MLXIP: variants seen among roughly 807,000 people sequenced by gnomAD.
MLXIP encodes the protein MLX-interacting protein.
MLXIP carries 30 observed loss-of-function variants against 87.2 expected under a neutral mutation model. The ratio of observed to expected loss-of-function variants is 0.34; its 90% CI spans 0.26 to 0.47. The LOEUF (loss-of-function observed/expected upper bound fraction) is 0.47. MLXIP is among the 20% of genes least tolerant of loss of function. The pLI, the probability that MLXIP is intolerant of heterozygous loss-of-function variation, is 1.00. For synonymous variants in MLXIP, 530 were observed against 514.0 expected, an observed-to-expected ratio of 1.03 and a Z score of -0.42; for missense variants, 1,002 against 1,240.1, an observed-to-expected ratio of 0.81 and a Z score of 2.88.
At chr12:122,095,841 A>G (rs1446585961) in intron 1 of MLXIP, among the ~76,000 whole-genome samples, 1 of 151,376 alleles carries the variant, frequency 6.6e-6, no homozygotes, top group Non-Finnish European at 1.5e-5. Flanking sequence ...TGGTGAGTAT[A>G]TATATATTTT....
intron 1 of MLXIP, among the ~76,000 whole-genome samples, chr12:122,114,895 G>A (rs1000725842): frequency 5.3e-5 from 8 of 151,930 alleles, no homozygotes; most frequent in East Asian, 2.0e-4. Context: ...ACAGGTATGC[G>A]CCACTACTGC....
intron 1 of MLXIP, among the ~76,000 whole-genome samples, chr12:122,091,213 C>A (rs1404951389): frequency 1.3e-5 from 2 of 152,164 alleles, no homozygotes; most frequent in African/African-American, 4.8e-5. Context: ...ATCAGATGAT[C>A]TTGGAGATCT....
chr12:122,138,317 C>T, intron 13 of MLXIP, 22 bp downstream of exon 13: 1 of 1,613,240 alleles, frequency 6.2e-7, no homozygotes, highest in East Asian at 2.2e-5. Context: ...AGAGCGTGGG[C>T]TGTGGCAGGG....
At chr12:122,120,679 T>C (rs1952764172) in intron 1 of MLXIP, among the ~76,000 whole-genome samples, 1 of 152,186 alleles carries the variant, frequency 6.6e-6, no homozygotes, top group Non-Finnish European at 1.5e-5. Context: ...GCTGAGGATA[T>C]GGCTTGTAAG....
chr12:122,141,573 A>G (rs1953204667), intron 16 of MLXIP, 118 bp from the exon 17 acceptor site: 2 of 1,484,104 alleles, frequency 1.3e-6, no homozygotes, highest in Non-Finnish European at 1.8e-6. Flanking sequence ...GCAGTCCAGC[A>G]TGGCTGCTGC....
At position 122,135,187 on chromosome 12, in the gene MLXIP, C is replaced by T. The variant is rs746517539; in HGVS notation, c.1733-37C>T. On this transcript the variant is annotated intron_variant, in intron 9 of 16. Coordinates refer to ENST00000319080, the MANE Select transcript of MLXIP (RefSeq NM_014938.6). This position sits in a 1 kb window ranked among gnomAD's most constrained non-coding sequence, Gnocchi z 5.3. Reference sequence around the variant, plus strand: ...TGCAGGGTGGGCCAGGCCCTGTGGCCCAGGGCTGCACCTGAACATCCTCCT... The same window carrying T: ...TGCAGGGTGGGCCAGGCCCTGTGGCTCAGGGCTGCACCTGAACATCCTCCT... 3 of 1,607,704 alleles carry T rather than the reference C, an allele frequency of 1.9e-6. No homozygotes were observed. The highest frequency in any genetic ancestry group is 2.2e-5 in the East Asian group (1 of 44,572).
intron 1 of MLXIP, among the ~76,000 whole-genome samples, chr12:122,083,206 A>G (rs1169731914): frequency 6.6e-6 from 1 of 151,950 alleles, no homozygotes; most frequent in Non-Finnish European, 1.5e-5. Context: ...GAAACTCCTT[A>G]TTTCAGGGAG....
intron 7 of MLXIP, among the ~76,000 whole-genome samples, chr12:122,131,484 C>G (rs867294350): frequency 7.7e-6 from 1 of 130,658 alleles, no homozygotes; most frequent in Non-Finnish European, 1.6e-5. Context: ...GGGTCTTGCA[C>G]TGTCACCCAG....
At chr12:122,124,545 G>T (rs1425463696) in intron 1 of MLXIP, among the ~76,000 whole-genome samples, 1 of 148,896 alleles carries the variant, frequency 6.7e-6, no homozygotes, top group Non-Finnish European at 1.5e-5. Context: ...GCTGACCTCT[G>T]CCCAGGTCTC....
At chr12:122,134,210 T>G (rs886785560) in intron 9 of MLXIP, 3 of 626,130 alleles carry the variant, frequency 4.8e-6, no homozygotes, top group Non-Finnish European at 7.7e-6. Flanking sequence ...GTTTGGTTTT[T>G]TTTTTTTTGA....
intron 4 of MLXIP, 128 bp from the exon 5 acceptor site, chr12:122,129,460 C>G: frequency 3.6e-6 from 4 of 1,118,858 alleles, no homozygotes; most frequent in Non-Finnish European, 5.2e-6. Context: ...CTCCTTTGTG[C>G]AGGCATCGGC....
intron 1 of MLXIP, among the ~76,000 whole-genome samples, chr12:122,088,298 T>C (rs1952197647): frequency 6.6e-6 from 1 of 152,170 alleles, no homozygotes; most frequent in Non-Finnish European, 1.5e-5. Context: ...CTGGTGGTGC[T>C]GGAGAAATAC....
intron 7 of MLXIP, among the ~76,000 whole-genome samples, chr12:122,131,724 C>A (rs1952982457): frequency 1.3e-5 from 2 of 151,688 alleles, no homozygotes; most frequent in African/African-American, 2.4e-5. Flanking sequence ...TCACACCCAG[C>A]CTGTTTTAGT....
rs1256397390 is a variant in MLXIP, at chr12:122,133,772, G to A, written c.1517G>A (p.Gly506Asp). 6 of 1,613,338 alleles carry A rather than the reference G, an allele frequency of 3.7e-6. No homozygotes were observed. The highest frequency in any genetic ancestry group is 4.2e-6 in the Non-Finnish European group (5 of 1,179,716). The change falls in exon 9 of 17, where the codon GGC becomes GAC. Residue 506 changes from glycine to aspartate, a missense_variant. Physicochemically the swap from Gly to Asp is moderately conservative, Grantham distance 94 (BLOSUM62 -1). Transcript: ENST00000319080. The surrounding 1 kb of genome is among the most constrained non-coding windows in gnomAD (Gnocchi z 4.9). ...APATTFSQSQ[G>D]LVITTHHPAP... ...GCCACCACCTTTAGCCAGAGTCAGG[G>A]CCTTGTGATCACCACCCATCACCCT... is the stretch of plus-strand genomic sequence containing the variant.
intron 1 of MLXIP, among the ~76,000 whole-genome samples, chr12:122,079,886 G>A (rs1952066837): frequency 6.6e-6 from 1 of 152,228 alleles, no homozygotes; most frequent in African/African-American, 2.4e-5. Context: ...TCTCGGGAGG[G>A]CTTTGGGTGC....
intron 1 of MLXIP, among the ~76,000 whole-genome samples, chr12:122,116,830 T>C (rs1171229213): frequency 6.6e-6 from 1 of 152,200 alleles, no homozygotes; most frequent in African/African-American, 2.4e-5. Flanking sequence ...GAAGGTGGGC[T>C]GGGCCGGGCC....
At chr12:122,082,685 A>G (rs929482058) in intron 1 of MLXIP, among the ~76,000 whole-genome samples, 2 of 152,218 alleles carry the variant, frequency 1.3e-5, no homozygotes, top group African/African-American at 4.8e-5. Flanking sequence ...CTGCTTGACA[A>G]ATACTAAATA....
Position 122,143,047 on chromosome 12 carries a change from G to C in MLXIP, c.*1235G>C, listed in dbSNP as rs985916384. ...TGGCTACCTCTGCAGGGAGCTGCAGGGGCAAGCACTCTCTCCAGCACTCAG... is the reference window on the plus strand; with the variant it reads ...TGGCTACCTCTGCAGGGAGCTGCAGCGGCAAGCACTCTCTCCAGCACTCAG... On this transcript the variant is annotated 3_prime_UTR_variant, in exon 17 of 17. Coordinates refer to ENST00000319080, the MANE Select transcript of MLXIP (RefSeq NM_014938.6). 6.6e-6 allele frequency: 1 copy of C among 152,508 alleles called. No individual in the cohort carries two copies. Among genetic ancestry groups the C allele is most frequent in the Non-Finnish European group, 1.5e-5 (1 of 68,270 alleles). 9.4% of individuals were successfully genotyped at this position (152,508 alleles called of 1,614,324 possible). A position where few individuals can be genotyped will look rare whatever the true frequency, so the allele number is the denominator to read the frequency against.
At chr12:122,131,575 G>C (rs1028374440) in intron 7 of MLXIP, among the ~76,000 whole-genome samples, 3 of 150,020 alleles carry the variant, frequency 2.0e-5, no homozygotes, top group Admixed American at 6.7e-5. Context: ...TCAGCCTCCT[G>C]AGTACCTGGG....
Sources: gnomAD v4.1 joint callset for allele counts (sites outside exome capture counted in the v4.1 genomes callset) on GRCh38, gnomAD v4.1.1 for gene constraint, Gnocchi (gnomAD v3.1) non-coding constraint, MANE v1.5 for transcripts, NCBI Gene and HGNC (gene_info 2026-07-23, HGNC 2026-07-21) for gene names.